Variants in SHANK2 observed in about 807,000 individuals in gnomAD.
The protein encoded by SHANK2 is SH3 and multiple ankyrin repeat domains protein 2.
A neutral mutation model predicts 133.7 loss-of-function variants in SHANK2; 43 were observed. The ratio of observed to expected loss-of-function variants is 0.32; its 90% CI spans 0.25 to 0.41. SHANK2 has a LOEUF of 0.41. SHANK2 is among the 10% of genes least tolerant of loss of function. SHANK2 has a pLI of 1.00. For synonymous variants in SHANK2, 1,017 were observed against 952.8 expected (o/e 1.07, Z -1.24); for missense variants, 1,994 against 2,235.8 (o/e 0.89, Z 2.18).
intron 2 of SHANK2, among the ~76,000 whole-genome samples, chr11:71,220,569 C>T (rs372533509): frequency 1.3e-5 from 2 of 152,288 alleles, no homozygotes; most frequent in East Asian, 3.9e-4. Flanking sequence ...AAGGTGTGGT[C>T]CATTCACAGA....
chr11:70,520,267 T>C (rs2135924867), intron 17 of SHANK2, among the ~76,000 whole-genome samples: 1 of 152,328 alleles, frequency 6.6e-6, no homozygotes, highest in East Asian at 1.9e-4. Context: ...AATTTTTACC[T>C]GACGTCCCTT....
chr11:70,691,360 G>A (rs756928430), intron 15 of SHANK2, among the ~76,000 whole-genome samples: 14 of 152,110 alleles, frequency 9.2e-5, no homozygotes, highest in South Asian at 2.1e-4. Flanking sequence ...CAGGTCCCCC[G>A]TTTAGGCACT....
chr11:71,076,956 C>T (rs1268641835), intron 8 of SHANK2, among the ~76,000 whole-genome samples: 5 of 152,132 alleles, frequency 3.3e-5, no homozygotes, highest in Admixed American at 1.3e-4. Context: ...GGACCCTCAA[C>T]ACAGAAGGGA....
At chr11:70,898,278 A>ACATG (rs1555076064) in intron 10 of SHANK2, among the ~76,000 whole-genome samples, 82 of 95,436 alleles carry the variant, frequency 8.6e-4, no homozygotes, top group Middle Eastern at 4.3e-3. Flanking sequence ...ATATATACAC[A>ACATG]CACGCACACA....
chr11:70,950,067 T>C (rs1200120591), intron 10 of SHANK2: 1 of 456,542 alleles, frequency 2.2e-6, no homozygotes, highest in Non-Finnish European at 4.4e-6. Context: ...CCTTCAGCCC[T>C]TTTTTTGGAG....
chr11:70,830,624 A>G lies in SHANK2; in HGVS notation c.1175-9942T>C, dbSNP rs1416399276. Among the ~76,000 whole-genome samples, 1 of 152,230 alleles carries G rather than the reference A, an allele frequency of 6.6e-6. No homozygotes were observed. Among genetic ancestry groups the G allele is most frequent in the Admixed American group, 6.5e-5 (1 of 15,284 alleles). ...AGTATTCCGAGGATGACCGAGCGCT[A>G]GTGGTTGAGATGAAAATTAAGACAA... On this transcript the variant is annotated intron_variant, in intron 11 of 25. Coordinates refer to ENST00000601538, the MANE Select transcript of SHANK2 (RefSeq NM_012309.5). The surrounding 1 kb of genome is among the most constrained non-coding windows in gnomAD (Gnocchi z 4.4).
At chr11:70,827,537 GAGA>G (rs1309172694) in intron 11 of SHANK2, among the ~76,000 whole-genome samples, 1 of 152,052 alleles carries the variant, frequency 6.6e-6, no homozygotes, top group African/African-American at 2.4e-5. Context: ...TCTACACCAG[GAGA>G]AGGAGCTTCC....
intron 14 of SHANK2, among the ~76,000 whole-genome samples, chr11:70,746,954 C>G (rs1271729742): frequency 6.8e-6 from 1 of 148,104 alleles, no homozygotes; most frequent in Non-Finnish European, 1.5e-5. Context: ...CCTCCACCCC[C>G]CTCCCTCCAC....
At position 70,624,002 on chromosome 11, in the gene SHANK2, C is replaced by A. The variant is rs565815089; in HGVS notation, c.2061+35826G>T. Among the ~76,000 whole-genome samples the A allele has an allele frequency of 3.3e-5, 5 of 152,288 alleles. No homozygotes were observed. In the South Asian group the frequency reaches 1.0e-3, roughly 32 times the overall value. On this transcript the variant is annotated intron_variant, in intron 17 of 25. Coordinates refer to ENST00000601538, the MANE Select transcript of SHANK2 (RefSeq NM_012309.5). ...CTCAGGGCTAAGGGTGCGCCCAGAG[C>A]TGCCACCAAGAACTGGAGCCATGGG...
intron 15 of SHANK2, among the ~76,000 whole-genome samples, chr11:70,670,795 C>A (rs1160711181): frequency 6.6e-6 from 1 of 152,174 alleles, no homozygotes; most frequent in East Asian, 1.9e-4. Flanking sequence ...GTTTCCAGGG[C>A]AGGAGGTGAT....
At chr11:70,714,240 A>G (rs1430394302) in intron 14 of SHANK2, among the ~76,000 whole-genome samples, 2 of 152,218 alleles carry the variant, frequency 1.3e-5, no homozygotes, top group African/African-American at 4.8e-5. Context: ...TGCTGAGGAC[A>G]CGGAGGAGAA....
chr11:70,596,645 A>G (rs2060405200), intron 17 of SHANK2, among the ~76,000 whole-genome samples: 1 of 152,234 alleles, frequency 6.6e-6, no homozygotes, highest in Non-Finnish European at 1.5e-5. Context: ...AGTGCAGCGC[A>G]GGGACTGGTG....
chr11:71,101,168 T>C (rs1256653637), intron 6 of SHANK2, among the ~76,000 whole-genome samples: 3 of 152,206 alleles, frequency 2.0e-5, no homozygotes. Flanking sequence ...GAAAACTCCA[T>C]GCCTTCTGCC....
intron 17 of SHANK2, among the ~76,000 whole-genome samples, chr11:70,521,930 T>C (rs1010945091): frequency 6.6e-6 from 1 of 152,218 alleles, no homozygotes; most frequent in Admixed American, 6.5e-5. Flanking sequence ...TGCTTAGTGT[T>C]CTGCTCTCCA....
intron 2 of SHANK2, among the ~76,000 whole-genome samples, chr11:71,176,819 T>C (rs1170528255): frequency 1.3e-4 from 20 of 151,876 alleles, no homozygotes; most frequent in Admixed American, 1.3e-3. Flanking sequence ...TGGCCAAAAG[T>C]TATTCAAATT....
rs1351180938 is a variant in SHANK2 at position 71,138,808 on chromosome 11, GAAAAGAAAAAGA to G, written c.207+8300_207+8311del. 5.4e-3 allele frequency among the ~76,000 whole-genome samples: 729 copies of G among 135,838 alleles called. 12 individuals are homozygous for G. Among genetic ancestry groups the G allele is most frequent in the African/African-American group, 0.018 (577 of 32,232 alleles). The allele number at this position is 135,838 out of a possible 152,430, so 89.1% of individuals were successfully genotyped here. ...CCTATCTCAAAAAAAAAAAAAAAAA[GAAAAGAAAAAGA>G]AAAAGAAAAAGAAAAATCTGAGAGT... On this transcript the variant is annotated intron_variant, in intron 3 of 25. Transcript: ENST00000601538.
intron 9 of SHANK2, among the ~76,000 whole-genome samples, chr11:71,057,055 C>T (rs895485636): frequency 2.6e-5 from 4 of 152,124 alleles, no homozygotes; most frequent in Non-Finnish European, 5.9e-5. Flanking sequence ...ATAATATTGG[C>T]CATGCGCAGT....
chr11:70,866,265 G>A (rs966728291), intron 11 of SHANK2, among the ~76,000 whole-genome samples: 11 of 152,094 alleles, frequency 7.2e-5, no homozygotes, highest in African/African-American at 2.4e-4. Context: ...AGAGAGTGCA[G>A]CTCAGAGGAG....
At chr11:70,679,084 G>A (rs1170435910) in intron 15 of SHANK2, among the ~76,000 whole-genome samples, 1 of 152,172 alleles carries the variant, frequency 6.6e-6, no homozygotes, top group Non-Finnish European at 1.5e-5. Context: ...GTGACGGCAC[G>A]GGGTCATCCG....
Sources: gnomAD v4.1 joint callset for allele counts (sites outside exome capture counted in the v4.1 genomes callset) on GRCh38, gnomAD v4.1.1 for gene constraint, Gnocchi (gnomAD v3.1) non-coding constraint, MANE v1.5 for transcripts, NCBI Gene and HGNC (gene_info 2026-07-23, HGNC 2026-07-21) for gene names.